Variants in ZNF248 observed in about 807,000 individuals in gnomAD.
ZNF248 encodes the protein zinc finger protein 248, also known as KRAB protein domain.
Under a neutral mutation model 44.3 loss-of-function variants are expected in ZNF248, and 20 were observed. The observed-to-expected ratio is 0.45, with a 90% CI of 0.32 to 0.66. The LOEUF (loss-of-function observed/expected upper bound fraction) is 0.66, where lower values mean the gene tolerates loss of function less well. Among genes scored for constraint, ZNF248 ranks in the 30% least tolerant of loss-of-function variants. The pLI is 0.04. For missense variants in ZNF248, 654 were observed against 677.0 expected, an observed-to-expected ratio of 0.97 and a Z score of 0.38; for synonymous variants, 224 against 229.0, an observed-to-expected ratio of 0.98 and a Z score of 0.20.
At chr10:37,850,990 C>T (rs1361618887) in intron 3 of ZNF248, among the ~76,000 whole-genome samples, 1 of 151,926 alleles carries the variant, frequency 6.6e-6, no homozygotes, top group Non-Finnish European at 1.5e-5. Context: ...CTCTGTGAAA[C>T]ACCCTGAAAA....
At position 37,823,241 on chromosome 10, in the gene ZNF248, G is replaced by T. The variant is rs180854492; in HGVS notation, c.330+9784C>A. Among the ~76,000 whole-genome samples, 855 of 136,678 alleles carry T rather than the reference G, an allele frequency of 6.3e-3. 9 individuals carry two copies. Among genetic ancestry groups the T allele is most frequent in the African/African-American group, 0.022 (814 of 37,084 alleles). The allele number at this position is 136,678 out of a possible 152,430, so 89.7% of individuals were successfully genotyped here. A position where few individuals can be genotyped will look rare whatever the true frequency, so the allele number is the denominator to read the frequency against. ...CCCAGCTGCTCGGGAGGCTGAGGCA[G>T]AAGAATTGCTTGAACCTGGGAGGCG... On this transcript the variant is annotated intron_variant, in intron 6 of 6. Transcript: ENST00000615949.
chr10:37,806,826 A>T (rs1463190774), intron 6 of ZNF248, among the ~76,000 whole-genome samples: 1 of 152,092 alleles, frequency 6.6e-6, no homozygotes, highest in Non-Finnish European at 1.5e-5. Context: ...ACCAAATCCA[A>T]TGTCATTAAG....
Position 37,856,567 on chromosome 10 carries a change from G to A in ZNF248, c.-125-35C>T, listed in dbSNP as rs991385511. The A allele has an allele frequency of 2.6e-6, 3 of 1,168,614 alleles. No individual in the cohort carries two copies. The African/African-American group carries it at 4.8e-5, about 19-fold the overall frequency. The allele number at this position is 1,168,614 out of a possible 1,614,324, so 72.4% of individuals were successfully genotyped here. On this transcript the variant is annotated intron_variant, in intron 1 of 5. Coordinates refer to ENST00000395867, the MANE Select transcript of ZNF248 (RefSeq NM_021045.3). Reference sequence around the variant, plus strand: ...AGAAAAATTAAAAACATGAAAAGATGAGTTTAACAAGTTAACAGTAATCTG... The same window carrying A: ...AGAAAAATTAAAAACATGAAAAGATAAGTTTAACAAGTTAACAGTAATCTG...
At chr10:37,781,922 A>G (rs2047363794) in intron 6 of ZNF248, among the ~76,000 whole-genome samples, 1 of 152,240 alleles carries the variant, frequency 6.6e-6, no homozygotes. Context: ...CTGCCTGTGC[A>G]CTTGTCCCAG....
chr10:37,822,714 A>G (rs2053675915), intron 6 of ZNF248, among the ~76,000 whole-genome samples: 1 of 152,182 alleles, frequency 6.6e-6, no homozygotes, highest in Non-Finnish European at 1.5e-5. Context: ...CTTTGGCCAC[A>G]TATAAAGTAC....
At chr10:37,852,936 A>G (rs2060572326) in intron 3 of ZNF248, among the ~76,000 whole-genome samples, 1 of 151,770 alleles carries the variant, frequency 6.6e-6, no homozygotes, top group South Asian at 2.1e-4. Context: ...ATCTCGGCTC[A>G]CTGCAACCTC....
intron 6 of ZNF248, among the ~76,000 whole-genome samples, chr10:37,778,694 A>G (rs9418285): frequency 0.06 from 9,118 of 152,220 alleles, 351 homozygotes; most frequent in Middle Eastern, 0.095. Flanking sequence ...TCCATATTGA[A>G]TTGAAACCCT....
intron 6 of ZNF248, among the ~76,000 whole-genome samples, chr10:37,813,182 TAGA>T (rs1374708945): frequency 6.6e-6 from 1 of 152,198 alleles, no homozygotes; most frequent in Non-Finnish European, 1.5e-5. Flanking sequence ...GCGTAAGACG[TAGA>T]AGAACGTACA....
rs1374456363 is a variant in ZNF248 at position 37,856,185 on chromosome 10, TTAA to T, written c.15+108_15+110del. ...ATTTGCTACTTCAGTTTTATTTCCC[TTAA>T]TGTCAATTTTTGCCTATTTCTATTT... On this transcript the variant is annotated intron_variant, in intron 3 of 5. Transcript: ENST00000395867. 1.4e-5 allele frequency: 17 copies of T among 1,253,602 alleles called. No individual in the cohort carries two copies. In the African/African-American group the frequency reaches 2.4e-4, roughly 18 times the overall value. 77.7% of individuals were successfully genotyped at this position (1,253,602 alleles called of 1,614,324 possible).
At chr10:37,827,394 T>C (rs2054545239), downstream of ZNF248, among the ~76,000 whole-genome samples, 1 of 152,170 alleles carries the variant, frequency 6.6e-6, no homozygotes, top group Non-Finnish European at 1.5e-5. Flanking sequence ...CAGAGAGTAT[T>C]GGCCATACCA....
intron 6 of ZNF248, among the ~76,000 whole-genome samples, chr10:37,777,538 T>C (rs1446473408): frequency 1.0e-5 from 1 of 98,496 alleles, no homozygotes; most frequent in Non-Finnish European, 2.5e-5. Context: ...TTCGACTCTT[T>C]TTTTTTTTTT....
At chr10:37,781,046 T>TA (rs980742564) in intron 6 of ZNF248, among the ~76,000 whole-genome samples, 6 of 152,196 alleles carry the variant, frequency 3.9e-5, no homozygotes, top group African/African-American at 1.4e-4. Context: ...TCGACCCTTG[T>TA]AATGTACTGG....
At chr10:37,833,373 A>G (rs2133953932) in intron 5 of ZNF248, among the ~76,000 whole-genome samples, 1 of 152,218 alleles carries the variant, frequency 6.6e-6, no homozygotes, top group African/African-American at 2.4e-5. Context: ...TCAAAACTGA[A>G]AAGAAAAGGT....
At chr10:37,762,665 T>C in the ZNF248 span, among the ~76,000 whole-genome samples, 3 of 152,208 alleles carry the variant, frequency 2.0e-5, no homozygotes, top group Admixed American at 2.0e-4. Flanking sequence ...TCCTGTACTA[T>C]ACCAGGTTGC....
At chr10:37,801,848 C>A (rs1050488536) in intron 6 of ZNF248, among the ~76,000 whole-genome samples, 1 of 152,114 alleles carries the variant, frequency 6.6e-6, no homozygotes, top group African/African-American at 2.4e-5. Flanking sequence ...GACCATTCAG[C>A]CTTCTTCTGG....
chr10:37,832,393 C>G lies in ZNF248; in HGVS notation c.962G>C (p.Arg321Thr). 6.2e-7 allele frequency: 1 copy of G among 1,613,990 alleles called. No homozygotes were observed. The highest frequency in any genetic ancestry group is 8.5e-7 in the Non-Finnish European group (1 of 1,179,942). The stretch of plus-strand genomic sequence containing the variant: ...CACTTTATATTCACGGAGAATCTTT[C>G]TTGTGTAAGCTCCCTGATGGATAAT... ...AFIIHQGAYTRKILREYKVSD... is the reference protein window; with the variant it reads ...AFIIHQGAYTTKILREYKVSD... The change falls in exon 6 of 6, where the codon AGA becomes ACA. Residue 321 changes from arginine (R) to threonine (T), a missense_variant. Transcript: ENST00000395867.
Position 37,832,047 on chromosome 10 carries a change from A to C in ZNF248, c.1308T>G (p.Tyr436Ter). ...HQRTHTGEKP[Y>*]ECKQCGKTFC... ...ATGTTTTTCCACATTGCTTACATTC[A>C]TAGGGTTTTTCTCCTGTATGTGTTC... Residue 436 changes from tyrosine (Y) to a stop codon, truncating the protein, a stop_gained, in exon 6 of 6, where the codon TAT becomes TAG. Transcript: ENST00000395867. LOFTEE classifies it high-confidence loss of function. 1 of 1,614,034 alleles carries C rather than the reference A, an allele frequency of 6.2e-7. No homozygotes were observed. The highest frequency in any genetic ancestry group is 1.1e-5 in the South Asian group (1 of 91,084).
intron 3 of ZNF248, among the ~76,000 whole-genome samples, chr10:37,854,898 G>C (rs958845852): frequency 6.6e-6 from 1 of 152,194 alleles, no homozygotes; most frequent in African/African-American, 2.4e-5. Flanking sequence ...ATGGAAAATA[G>C]TGTGTAAGTC....
At chr10:37,775,868 C>T (rs1360685712), downstream of ZNF248, among the ~76,000 whole-genome samples, 1 of 152,146 alleles carries the variant, frequency 6.6e-6, no homozygotes, top group Non-Finnish European at 1.5e-5. Flanking sequence ...GCTTCTAACT[C>T]AGTTGCAACA....
Sources: allele counts gnomAD v4.1 joint callset (sites outside exome capture counted in the v4.1 genomes callset), GRCh38; gene constraint gnomAD v4.1.1; transcripts MANE v1.5; gene names NCBI Gene and HGNC (gene_info 2026-07-23, HGNC 2026-07-21).